Variants in PIEZO2 observed in about 807,000 individuals in gnomAD.
PIEZO2 encodes piezo type mechanosensitive ion channel component 2.
PIEZO2 carries 172 observed loss-of-function variants against 337.3 expected under a neutral mutation model. The ratio of observed to expected loss-of-function variants is 0.51; its 90% confidence interval spans 0.45 to 0.58. PIEZO2 has a LOEUF of 0.58. Among genes scored for constraint, PIEZO2 ranks in the 20% least tolerant of loss-of-function variants. The probability of loss-of-function intolerance (pLI) is 0.00; values close to 1 mark genes in which losing one functional copy is unlikely to be tolerated. For synonymous variants in PIEZO2, 1,251 were observed against 1,228.5 expected, an observed-to-expected ratio of 1.02 and a Z score of -0.38; for missense variants, 3,028 against 3,391.3, an observed-to-expected ratio of 0.89 and a Z score of 2.66.
At chr18:11,121,858 G>A (rs1287870172) in intron 1 of PIEZO2, among the ~76,000 whole-genome samples, 1 of 152,016 alleles carries the variant, frequency 6.6e-6, no homozygotes, top group Non-Finnish European at 1.5e-5. Context: ...AGTTCTCCTT[G>A]TTCTCTGCTC....
rs536098832 is a variant in PIEZO2, at chr18:10,847,632, C to T, written c.917+7721G>A. The stretch of plus-strand genomic sequence containing the variant: ...CAAACGATACCAAGGTCCAGATGAA[C>T]TCAGAGTTCAAGTATTTAAGTTCTG... On this transcript the variant is annotated intron_variant, in intron 7 of 55. Transcript: ENST00000674853. This position sits in a 1 kb window ranked among gnomAD's most constrained non-coding sequence, Gnocchi z 5.7. Among the ~76,000 whole-genome samples, 1 of 152,290 alleles carries T rather than the reference C, an allele frequency of 6.6e-6. No individual in the cohort carries two copies. Among genetic ancestry groups the T allele is most frequent in the South Asian group, 2.1e-4 (1 of 4,828 alleles).
intron 4 of PIEZO2, among the ~76,000 whole-genome samples, chr18:10,885,905 A>C (rs73394782): frequency 0.18 from 27,441 of 152,076 alleles, 4,312 homozygotes; most frequent in African/African-American, 0.42. Context: ...GCGTGGATTA[A>C]AAATGAGCCA....
intron 2 of PIEZO2, among the ~76,000 whole-genome samples, chr18:10,983,760 T>C (rs937211156): frequency 6.6e-6 from 1 of 152,134 alleles, no homozygotes; most frequent in Non-Finnish European, 1.5e-5. Context: ...TACATCCCTG[T>C]GCATGGCCTG....
chr18:11,035,672 C>G lies in PIEZO2; in HGVS notation c.160+30455G>C, dbSNP rs988250503. ...CCTCTAATATGCATAGGAAGTCACT[C>G]TTATCCCTGAAGAATGGACACAGAG... On this transcript the variant is annotated intron_variant, in intron 2 of 55. Coordinates refer to ENST00000674853, the MANE Select transcript of PIEZO2 (RefSeq NM_001378183.1). This position sits in a 1 kb window ranked among gnomAD's most constrained non-coding sequence, Gnocchi z 4.3. Among the ~76,000 whole-genome samples, 3 of 152,180 alleles carry G rather than the reference C, an allele frequency of 2.0e-5. No individual in the cohort carries two copies. The highest frequency in any genetic ancestry group is 4.4e-5 in the Non-Finnish European group (3 of 68,032).
chr18:11,031,144 C>A lies in PIEZO2; in HGVS notation c.160+34983G>T, dbSNP rs1483634845. Among the ~76,000 whole-genome samples the A allele has an allele frequency of 1.3e-5, 2 of 151,418 alleles. No homozygotes were observed. Among genetic ancestry groups the A allele is most frequent in the Non-Finnish European group, 2.9e-5 (2 of 67,964 alleles). On this transcript the variant is annotated intron_variant, in intron 2 of 55. Transcript: ENST00000674853. The surrounding 1 kb of genome is among the most constrained non-coding windows in gnomAD (Gnocchi z 4.7). ...TTCTGGGACTACAGGCGCCTGCCAC[C>A]ATGCCTGGCTAATTTTTTTGTATTT... is the stretch of plus-strand genomic sequence containing the variant.
chr18:11,055,662 T>C (rs1296087727), intron 2 of PIEZO2, among the ~76,000 whole-genome samples: 2 of 152,244 alleles, frequency 1.3e-5, no homozygotes, highest in Admixed American at 1.3e-4. Flanking sequence ...AAATTATGTC[T>C]GCTTATTTGA....
chr18:10,824,815 A>G lies in PIEZO2; in HGVS notation c.918-17541T>C, dbSNP rs973180559. ...AAACAATACTGAGACATGATTTTAA[A>G]CTAAAGTCCATATTTTATTGAAATC... On this transcript the variant is annotated intron_variant, in intron 7 of 55. Coordinates refer to ENST00000674853, the MANE Select transcript of PIEZO2 (RefSeq NM_001378183.1). The surrounding 1 kb of genome is among the most constrained non-coding windows in gnomAD (Gnocchi z 4.4). Among the ~76,000 whole-genome samples, 11 of 152,170 alleles carry G rather than the reference A, an allele frequency of 7.2e-5. No homozygotes were observed. Among genetic ancestry groups the G allele is most frequent in the Non-Finnish European group, 1.0e-4 (7 of 68,036 alleles).
In PIEZO2 at chr18:11,132,265, T is replaced by C. The variant is rs1433949788; in HGVS notation, c.64+16260A>G. ...CACCAACATGGTATTCCACACCGCA[T>C]TGCCTCTGACCAAGGCACTCACTTT... On this transcript the variant is annotated intron_variant, in intron 1 of 55. Transcript: ENST00000674853. The surrounding 1 kb of genome is among the most constrained non-coding windows in gnomAD (Gnocchi z 4.7). Among the ~76,000 whole-genome samples the C allele has an allele frequency of 6.6e-6, 1 of 152,176 alleles. No homozygotes were observed. Among genetic ancestry groups the C allele is most frequent in the African/African-American group, 2.4e-5 (1 of 41,448 alleles).
rs553000705 is a variant in PIEZO2, at chr18:11,138,282, G to T, written c.64+10243C>A. Among the ~76,000 whole-genome samples, 514 of 152,016 alleles carry T rather than the reference G, an allele frequency of 3.4e-3. 1 individual carries two copies. Among genetic ancestry groups the T allele is most frequent in the African/African-American group, 0.011 (465 of 41,476 alleles). Reference sequence around the variant, plus strand: ...ATCCAAAAGATATAGTGTTTTTTTTGTTGTTGTTGTAGTTTTGTTTGTTTG... The same window carrying T: ...ATCCAAAAGATATAGTGTTTTTTTTTTTGTTGTTGTAGTTTTGTTTGTTTG... On this transcript the variant is annotated intron_variant, in intron 1 of 55. Transcript: ENST00000674853.
At chr18:10,681,834 G>A in intron 50 of PIEZO2, 81 bp from the exon 51 acceptor site, 3 of 1,207,354 alleles carry the variant, frequency 2.5e-6, no homozygotes, top group South Asian at 2.5e-5. Context: ...CATTTATGTA[G>A]GATATCAGCC....
chr18:10,761,245 C>A lies in PIEZO2; in HGVS notation c.3250-134G>T, dbSNP rs369939298. On this transcript the variant is annotated intron_variant, in intron 23 of 55. Coordinates refer to ENST00000674853, the MANE Select transcript of PIEZO2 (RefSeq NM_001378183.1). ...CACCTCTCTTAAGCAGTTTTGAGCTCAATATTCGTTTTCTCTGTCTTATTT... is the reference window on the plus strand; with the variant it reads ...CACCTCTCTTAAGCAGTTTTGAGCTAAATATTCGTTTTCTCTGTCTTATTT... The A allele has an allele frequency of 9.3e-6, 7 of 749,582 alleles. No individual in the cohort carries two copies. The East Asian group carries it at 1.9e-4, about 20-fold the overall frequency. The allele number at this position is 749,582 out of a possible 1,614,324, so 46.4% of individuals were successfully genotyped here.
chr18:10,679,641 C>T (rs367673185), intron 52 of PIEZO2, among the ~76,000 whole-genome samples: 5 of 152,124 alleles, frequency 3.3e-5, no homozygotes, highest in Admixed American at 6.5e-5. Flanking sequence ...GAGCTAGGAA[C>T]GGCCTTTCTC....
chr18:10,791,285 G>A lies in PIEZO2; in HGVS notation c.1798C>T (p.His600Tyr), dbSNP rs2039403259. The A allele has an allele frequency of 2.6e-6, 4 of 1,532,036 alleles. No individual in the cohort carries two copies. Among genetic ancestry groups the A allele is most frequent in the Non-Finnish European group, 2.6e-6 (3 of 1,144,526 alleles). The allele number at this position is 1,532,036 out of a possible 1,614,324, so 94.9% of individuals were successfully genotyped here. A position where few individuals can be genotyped will look rare whatever the true frequency, so the allele number is the denominator to read the frequency against. ...TGCAGAGCTTTTTGCTCTGTGAGGTGCTGCCTCAGCAGTAGCCAAAAAGTA... is the reference window on the plus strand; with the variant it reads ...TGCAGAGCTTTTTGCTCTGTGAGGTACTGCCTCAGCAGTAGCCAAAAAGTA... ...TITFWLLLRQHLTEQKALQEK... is the reference protein window; with the variant it reads ...TITFWLLLRQYLTEQKALQEK... Residue 600 changes from histidine to tyrosine, a missense_variant, in exon 14 of 56, where the codon CAC becomes TAC. Physicochemically the swap from His to Tyr is moderately conservative, Grantham distance 83 (BLOSUM62 2). Coordinates refer to ENST00000674853, the MANE Select transcript of PIEZO2 (RefSeq NM_001378183.1).
intron 48 of PIEZO2, 108 bp downstream of exon 48, chr18:10,691,117 C>T: frequency 1.6e-6 from 2 of 1,257,302 alleles, no homozygotes; most frequent in Non-Finnish European, 2.2e-6. Flanking sequence ...ACAACGATTC[C>T]CACTGCTGAA....
intron 39 of PIEZO2, chr18:10,709,561 G>A (rs1388846774): frequency 3.3e-5 from 5 of 152,294 alleles, no homozygotes; most frequent in Non-Finnish European, 7.3e-5. Context: ...CTCACTAGGA[G>A]AGTACTAGGT....
rs2042101454 is a variant in PIEZO2, at chr18:10,870,021, A to G, written c.492+1232T>C. On this transcript the variant is annotated intron_variant, in intron 5 of 55. Transcript: ENST00000674853. The surrounding 1 kb of genome is among the most constrained non-coding windows in gnomAD (Gnocchi z 5.3). Reference sequence around the variant, plus strand: ...TTCCTGAGTAGCTAGAATTACAGGCAAGCACCATCACGCTCAGCTAATTTT... The same window carrying G: ...TTCCTGAGTAGCTAGAATTACAGGCGAGCACCATCACGCTCAGCTAATTTT... Among the ~76,000 whole-genome samples, 1 of 152,108 alleles carries G rather than the reference A, an allele frequency of 6.6e-6. No homozygotes were observed. The highest frequency in any genetic ancestry group is 2.1e-4 in the South Asian group (1 of 4,822).
At chr18:10,951,745 G>A (rs2033305623) in intron 3 of PIEZO2, among the ~76,000 whole-genome samples, 1 of 152,122 alleles carries the variant, frequency 6.6e-6, no homozygotes, top group African/African-American at 2.4e-5. Flanking sequence ...TGTTATTACA[G>A]GACTTGTTGA....
At position 10,862,470 on chromosome 18, in the gene PIEZO2, ATCC is replaced by A. The variant is rs1434282771; in HGVS notation, c.493-5262_493-5260del. On this transcript the variant is annotated intron_variant, in intron 5 of 55. Coordinates refer to ENST00000674853, the MANE Select transcript of PIEZO2 (RefSeq NM_001378183.1). The surrounding 1 kb of genome is among the most constrained non-coding windows in gnomAD (Gnocchi z 4.4). ...GCGTCTCTGCATCTCATCCCACAAC[ATCC>A]TCTCACCCTACAGCAGTACTGGTTC... 2.0e-5 allele frequency among the ~76,000 whole-genome samples: 3 copies of A among 152,112 alleles called. No individual in the cohort carries two copies. The highest frequency in any genetic ancestry group is 6.5e-5 in the Admixed American group (1 of 15,274).
At chr18:11,113,708 A>G (rs2039803282) in intron 1 of PIEZO2, among the ~76,000 whole-genome samples, 1 of 152,202 alleles carries the variant, frequency 6.6e-6, no homozygotes, top group Non-Finnish European at 1.5e-5. Flanking sequence ...AAAAGGAACT[A>G]CTCAAATATT....
Sources: gnomAD v4.1 joint callset for allele counts (sites outside exome capture counted in the v4.1 genomes callset) on GRCh38, gnomAD v4.1.1 for gene constraint, Gnocchi (gnomAD v3.1) non-coding constraint, MANE v1.5 for transcripts, NCBI Gene and HGNC (gene_info 2026-07-23, HGNC 2026-07-21) for gene names.